The following UBR2 variants were observed in gnomAD, a reference collection of about 807,000 sequenced individuals.
UBR2 encodes E3 ubiquitin-protein ligase UBR2.
In UBR2, 92 loss-of-function variants were observed where a neutral mutation model predicts 247.9. The ratio of observed to expected loss-of-function variants is 0.37; its 90% CI spans 0.31 to 0.44. The LOEUF (loss-of-function observed/expected upper bound fraction) is 0.44, where lower values mean the gene tolerates loss of function less well. Ranked by LOEUF, UBR2 falls within the 20% of genes least tolerant of loss-of-function variation. The pLI, the probability that UBR2 is intolerant of heterozygous loss-of-function variation, is 1.00. For missense variants in UBR2, 1,613 were observed against 2,112.6 expected (o/e 0.76, Z 4.64); for synonymous variants, 672 against 693.5 (o/e 0.97, Z 0.49).
intron 2 of UBR2, among the ~76,000 whole-genome samples, chr6:42,577,570 T>A (rs1791604849): frequency 6.9e-6 from 1 of 145,874 alleles, no homozygotes; most frequent in Non-Finnish European, 1.5e-5. Context: ...GCAAAAATCT[T>A]AGTGTTGATT....
At chr6:42,608,112 CT>C (rs1164849729) in intron 7 of UBR2, among the ~76,000 whole-genome samples, 1 of 152,012 alleles carries the variant, frequency 6.6e-6, no homozygotes, top group Admixed American at 6.6e-5. Flanking sequence ...ATTATTTTGT[CT>C]CCTTTTTACA....
chr6:42,690,950 C>G, intron 46 of UBR2, 82 bp from the exon 47 acceptor site: 3 of 1,549,586 alleles, frequency 1.9e-6, no homozygotes, highest in Non-Finnish European at 2.6e-6. Flanking sequence ...AACTTGTAAC[C>G]TTGCCTAAAT....
rs1474124662 is a variant in UBR2 at position 42,637,182 on chromosome 6, C to T, written c.1846C>T (p.Arg616Cys). 6 of 1,610,616 alleles carry T rather than the reference C, an allele frequency of 3.7e-6. No homozygotes were observed. Among genetic ancestry groups the T allele is most frequent in the East Asian group, 2.2e-5 (1 of 44,818 alleles). ...EKVSIHLPVS[R>C]LLAGLHVLLS... Reference sequence around the variant, plus strand: ...AGTTAGCATTCACCTCCCAGTTTCTCGCTTACTTGCAGGTAAAGCATTTCC... The same window carrying T: ...AGTTAGCATTCACCTCCCAGTTTCTTGCTTACTTGCAGGTAAAGCATTTCC... The change falls in exon 15 of 47, where the codon CGC becomes TGC. Residue 616 changes from arginine (R) to cysteine (C), a missense_variant. Physicochemically the swap from Arg to Cys is radical, Grantham distance 180. Around this residue, in one of 3 missense-constraint regions of UBR2, gnomAD observed 1,524 missense variants for 1,967.3 expected, o/e 0.77. Transcript: ENST00000372901.
intron 14 of UBR2, among the ~76,000 whole-genome samples, chr6:42,636,470 C>T (rs958674336): frequency 6.6e-6 from 1 of 152,146 alleles, no homozygotes; most frequent in Non-Finnish European, 1.5e-5. Flanking sequence ...TGAGCCACCA[C>T]ACTCAGCCTG....
rs1799848241 is a variant in UBR2, at chr6:42,693,468, T to G, written c.*2295T>G. The G allele has an allele frequency of 6.6e-6, 1 of 152,240 alleles. No homozygotes were observed. The highest frequency in any genetic ancestry group is 2.4e-5 in the African/African-American group (1 of 41,462). The allele number at this position is 152,240 out of a possible 1,614,324, so 9.4% of individuals were successfully genotyped here. A position where few individuals can be genotyped will look rare whatever the true frequency, so the allele number is the denominator to read the frequency against. ...TGGAATGTATCATATGTAAAAAGTTTAAAGATATCCAAATAAATGCTTTAG... is the reference window on the plus strand; with the variant it reads ...TGGAATGTATCATATGTAAAAAGTTGAAAGATATCCAAATAAATGCTTTAG... On this transcript the variant is annotated 3_prime_UTR_variant, in exon 47 of 47. Coordinates refer to ENST00000372901, the MANE Select transcript of UBR2 (RefSeq NM_001363705.2).
Position 42,640,392 on chromosome 6 carries a change from GTGTGTGTGTGTGT to G in UBR2, c.1920+123_1920+135del, listed in dbSNP as rs1582618557. The G allele has an allele frequency of 3.2e-4, 17 of 53,752 alleles. No homozygotes were observed. In the East Asian group the frequency reaches 0.015, roughly 49 times the overall value. The allele number at this position is 53,752 out of a possible 1,614,324, so 3.3% of individuals were successfully genotyped here. A position where few individuals can be genotyped will look rare whatever the true frequency, so the allele number is the denominator to read the frequency against. On this transcript the variant is annotated intron_variant, in intron 16 of 46. Coordinates refer to ENST00000372901, the MANE Select transcript of UBR2 (RefSeq NM_001363705.2). Reference sequence around the variant, plus strand: ...GGAACAGAACCAGTAAGGTGTGTGTGTGTGTGTGTGTGTGTGTGTGTGTGTGTGTGTGTGTGTG... The same window carrying G: ...GGAACAGAACCAGTAAGGTGTGTGTGGTGTGTGTGTGTGTGTGTGTGTGTG...
At position 42,577,905 on chromosome 6, in the gene UBR2, C is replaced by CT. The variant is rs958122423; in HGVS notation, c.338+3922dup. Among the ~76,000 whole-genome samples the CT allele has an allele frequency of 5.7e-3, 835 of 146,278 alleles. 5 individuals are homozygous for CT. The highest frequency in any genetic ancestry group is 0.016 in the African/African-American group (635 of 39,846). On this transcript the variant is annotated intron_variant, in intron 2 of 46. Transcript: ENST00000372901. ...TAACTATTAAATAATTTTGTATAGG[C>CT]TTTTTTTTTTACTTTAATAGTGGTT...
Position 42,671,225 on chromosome 6 carries a change from G to A in UBR2, c.4086+510G>A, listed in dbSNP as rs541599948. Reference sequence around the variant, plus strand: ...AAAAAAATTGCAGCCTGGCAGTATAGTGAGACCTCATCTCTACACAAATTT... The same window carrying A: ...AAAAAAATTGCAGCCTGGCAGTATAATGAGACCTCATCTCTACACAAATTT... On this transcript the variant is annotated intron_variant, in intron 36 of 46. Coordinates refer to ENST00000372901, the MANE Select transcript of UBR2 (RefSeq NM_001363705.2). 6.1e-4 allele frequency among the ~76,000 whole-genome samples: 92 copies of A among 150,028 alleles called. No individual in the cohort carries two copies. The South Asian group carries it at 0.019, about 31-fold the overall frequency.
chr6:42,641,656 A>G lies in UBR2; in HGVS notation c.1995A>G (p.Gly665=). ...CLVLCAQVHA[G]MWRRNGFSLV... ...TTCTGTGTGCCCAAGTACATGCCGG[A>G]ATGTGGAGAAGAAATGGGTTCTCTC... Residue 665 remains glycine (G), a synonymous_variant, in exon 17 of 47, where the codon GGA becomes GGG. Coordinates refer to ENST00000372901, the MANE Select transcript of UBR2 (RefSeq NM_001363705.2). The G allele has an allele frequency of 6.2e-7, 1 of 1,609,722 alleles. No individual in the cohort carries two copies. Among genetic ancestry groups the G allele is most frequent in the Non-Finnish European group, 8.5e-7 (1 of 1,178,508 alleles).
At chr6:42,647,042 G>A (rs13200782) in intron 21 of UBR2, among the ~76,000 whole-genome samples, 37,033 of 151,174 alleles carry the variant, frequency 0.24, 4,926 homozygotes, top group East Asian at 0.45. Context: ...GGCTGGTCTC[G>A]AACTCCTGGC....
intron 32 of UBR2, chr6:42,664,078 G>T (rs1349465397): frequency 6.6e-6 from 1 of 152,148 alleles, no homozygotes; most frequent in Non-Finnish European, 1.5e-5. Flanking sequence ...GGCTCGCTTG[G>T]GTCAAGGCTG....
At chr6:42,682,921 C>T in intron 42 of UBR2, 134 bp from the exon 43 acceptor site, 1 of 691,652 alleles carries the variant, frequency 1.4e-6, no homozygotes, top group South Asian at 1.9e-5. Flanking sequence ...AGTATTTCTA[C>T]AGGTTTCTTT....
intron 7 of UBR2, among the ~76,000 whole-genome samples, chr6:42,607,294 A>G (rs60057524): frequency 0.015 from 2,233 of 150,152 alleles, 44 homozygotes; most frequent in African/African-American, 0.053. Flanking sequence ...CAGCCTTCCA[A>G]GTAACTGGGA....
intron 11 of UBR2, among the ~76,000 whole-genome samples, chr6:42,618,032 T>G (rs1433681927): frequency 6.6e-6 from 1 of 152,234 alleles, no homozygotes; most frequent in Non-Finnish European, 1.5e-5. Context: ...ATATTTAATT[T>G]GTTCAGCAAA....
At chr6:42,652,097 CT>C in intron 24 of UBR2, 26 bp downstream of exon 24, 1 of 1,557,924 alleles carries the variant, frequency 6.4e-7, no homozygotes, top group Non-Finnish European at 8.6e-7. Context: ...CTGAAAATGT[CT>C]TGCCCATCTT....
Position 42,679,679 on chromosome 6 carries a change from G to C in UBR2, c.4610-45G>C, listed in dbSNP as rs767401332. On this transcript the variant is annotated intron_variant, in intron 41 of 46. Transcript: ENST00000372901. ...ATTGCTTAACTCTCATGCAGAATAT[G>C]CCCTTAGTTGTTATATGCACTCTTT... 4.4e-6 allele frequency: 6 copies of C among 1,358,314 alleles called. No individual in the cohort carries two copies. The South Asian group carries it at 4.8e-5, about 11-fold the overall frequency. 84.1% of individuals were successfully genotyped at this position (1,358,314 alleles called of 1,614,324 possible). A position where few individuals can be genotyped will look rare whatever the true frequency, so the allele number is the denominator to read the frequency against.
intron 7 of UBR2, among the ~76,000 whole-genome samples, chr6:42,608,839 TGTG>T (rs1319813362): frequency 1.3e-5 from 2 of 152,220 alleles, no homozygotes; most frequent in Non-Finnish European, 2.9e-5. Flanking sequence ...TTAAGTTTGT[TGTG>T]GTGCCTTTCA....
Position 42,564,343 on chromosome 6 carries a change from G to T in UBR2, c.24G>T (p.Glu8Asp), listed in dbSNP as rs148157364. 24 of 1,612,320 alleles carry T rather than the reference G, an allele frequency of 1.5e-5. No homozygotes were observed. In the African/African-American group the frequency reaches 2.9e-4, roughly 20 times the overall value. MASELEPEVQAIDRSLLE... is the reference protein window; with the variant it reads MASELEPDVQAIDRSLLE... ...AGATGGCGTCGGAGCTAGAGCCAGA[G>T]GTGCAGGCCATCGACCGGAGCTTGC... The change falls in exon 1 of 47, where the codon GAG (glutamate) becomes GAT (aspartate). Residue 8 changes from glutamate (E) to aspartate (D), a missense_variant. Physicochemically the swap from Glu to Asp is conservative, Grantham distance 45 (BLOSUM62 2). Coordinates refer to ENST00000372901, the MANE Select transcript of UBR2 (RefSeq NM_001363705.2).
chr6:42,674,033 T>C (rs1253955008), intron 37 of UBR2, 93 bp from the exon 38 acceptor site: 6 of 1,380,080 alleles, frequency 4.3e-6, no homozygotes, highest in Non-Finnish European at 6.0e-6. Flanking sequence ...AATTCTCATG[T>C]GTCTTGCAAG....
Sources: gnomAD v4.1 joint callset for allele counts (sites outside exome capture counted in the v4.1 genomes callset) on GRCh38, gnomAD v4.1.1 for gene constraint, gnomAD v4.1.1 regional missense constraint, MANE v1.5 for transcripts, NCBI Gene and HGNC (gene_info 2026-07-23, HGNC 2026-07-21) for gene names.